The following TMEM71 variants were observed in gnomAD, a reference collection of about 807,000 sequenced individuals.
TMEM71 encodes transmembrane protein 71.
In TMEM71, 44 loss-of-function variants were observed where a neutral mutation model predicts 38.0. That is an observed-to-expected ratio of 1.16 (90% confidence interval 0.91 to 1.49). The LOEUF is 1.49. Ranked by LOEUF, TMEM71 falls within the 40% of genes most tolerant of loss-of-function variation. TMEM71 has a pLI of 0.00. For missense variants in TMEM71, 367 were observed against 348.6 expected, an observed-to-expected ratio of 1.05 and a Z score of -0.42; for synonymous variants, 133 against 122.5, an observed-to-expected ratio of 1.09 and a Z score of -0.56.
chr8:132,749,823 G>T (rs1828595722), intron 4 of TMEM71, among the ~76,000 whole-genome samples: 1 of 152,010 alleles, frequency 6.6e-6, no homozygotes, highest in Non-Finnish European at 1.5e-5. Context: ...AGACCATCCT[G>T]GCCAACATGG....
chr8:132,717,686 C>T (rs908170778), intron 7 of TMEM71, among the ~76,000 whole-genome samples: 1 of 152,152 alleles, frequency 6.6e-6, no homozygotes, highest in Non-Finnish European at 1.5e-5. Context: ...AACGTTTCAG[C>T]AGTTTCTAAA....
chr8:132,724,122 GA>G (rs1189166611), intron 6 of TMEM71, among the ~76,000 whole-genome samples: 1 of 152,202 alleles, frequency 6.6e-6, no homozygotes, highest in Admixed American at 6.5e-5. Flanking sequence ...AGGAAACAGG[GA>G]CAGGGCAAAA....
At chr8:132,760,281 T>C (rs1346263394) in intron 1 of TMEM71, 195 bp downstream of exon 1, 1 of 152,120 alleles carries the variant, frequency 6.6e-6, no homozygotes, top group African/African-American at 2.4e-5. Context: ...TGAAAAATAA[T>C]GTGTGCATAC....
At chr8:132,756,411 T>TTATATATATATATATATATA (rs55767264) in intron 3 of TMEM71, among the ~76,000 whole-genome samples, 12 of 115,814 alleles carry the variant, frequency 1.0e-4, no homozygotes, top group African/African-American at 2.9e-4. Context: ...AACATATATA[T>TTATATATATATATATATATA]TATATATATA....
At chr8:132,755,304 A>G (rs553653652) in intron 3 of TMEM71, among the ~76,000 whole-genome samples, 57 of 152,312 alleles carry the variant, frequency 3.7e-4, no homozygotes, top group Middle Eastern at 3.4e-3. Context: ...TAGTTTAAAA[A>G]AAGGACCCCT....
chr8:132,724,436 G>A lies in TMEM71; in HGVS notation c.677-2321C>T, dbSNP rs537989752. 8.5e-5 allele frequency among the ~76,000 whole-genome samples: 13 copies of A among 152,248 alleles called. No individual in the cohort carries two copies. The South Asian group carries it at 2.1e-3, about 24-fold the overall frequency. On this transcript the variant is annotated intron_variant, in intron 6 of 9. Transcript: ENST00000677595. ...CTTGCTAGGAAAAGAATTTAGCGAT[G>A]TCTCTCCTACTTGCACATCCATTTA... is the stretch of plus-strand genomic sequence containing the variant.
intron 5 of TMEM71, among the ~76,000 whole-genome samples, chr8:132,746,488 C>CATAT (rs58252714): frequency 5.5e-5 from 3 of 54,302 alleles, no homozygotes; most frequent in Non-Finnish European, 1.1e-4. Flanking sequence ...TATATATATA[C>CATAT]ATATATATAC....
Position 132,757,236 on chromosome 8 carries a change from T to C in TMEM71, c.99A>G (p.Pro33=). Residue 33 remains proline (P), a splice_region_variant and synonymous_variant, in exon 3 of 10, where the codon CCA becomes CCG. Transcript: ENST00000677595. ...TTAAAAGAAGCCCCATAGTATACCT[T>C]GGGAAAATGCACGTGGGAGACAGCT... ...AGELSPTCIF[P]SFTCDSLDGY... 2 of 1,609,140 alleles carry C rather than the reference T, an allele frequency of 1.2e-6. No homozygotes were observed. Among genetic ancestry groups the C allele is most frequent in the Non-Finnish European group, 1.7e-6 (2 of 1,176,432 alleles).
intron 7 of TMEM71, among the ~76,000 whole-genome samples, chr8:132,720,051 A>AT (rs1055450623): frequency 6.6e-6 from 1 of 150,828 alleles, no homozygotes; most frequent in African/African-American, 2.4e-5. Flanking sequence ...TTTTTCTGCT[A>AT]TTTTTCTTTT....
intron 6 of TMEM71, 139 bp from the exon 7 acceptor site, chr8:132,722,254 T>C: frequency 3.1e-6 from 2 of 651,166 alleles, no homozygotes; most frequent in Non-Finnish European, 5.4e-6. Context: ...TCAAGCAATG[T>C]GTCATAAATA....
At chr8:132,759,517 T>G (rs1349779362) in intron 1 of TMEM71, 1 of 152,230 alleles carries the variant, frequency 6.6e-6, no homozygotes, top group African/African-American at 2.4e-5. Context: ...TTAGTTCCCA[T>G]GAAGACATGA....
chr8:132,753,105 G>A (rs2739026), intron 3 of TMEM71, among the ~76,000 whole-genome samples: 57,235 of 151,494 alleles, frequency 0.38, 11,543 homozygotes, highest in South Asian at 0.5. Context: ...CTAAACCCCA[G>A]CTAATCTCAC....
chr8:132,715,283 G>A lies in TMEM71; in HGVS notation c.753-1068C>T, dbSNP rs559810345. 7.9e-5 allele frequency among the ~76,000 whole-genome samples: 12 copies of A among 151,326 alleles called. No homozygotes were observed. In the East Asian group the frequency reaches 2.1e-3, roughly 27 times the overall value. ...AAAATAGCCGGGCGTGGTGGCGGGC[G>A]CCTGTAGTCCCAGCTACTTGGAAGG... is the stretch of plus-strand genomic sequence containing the variant. On this transcript the variant is annotated intron_variant, in intron 7 of 9. Coordinates refer to ENST00000677595, the MANE Select transcript of TMEM71 (RefSeq NM_001382403.1).
At chr8:132,758,437 G>A (rs1323944282) in intron 2 of TMEM71, 1 of 174,756 alleles carries the variant, frequency 5.7e-6, no homozygotes, top group Non-Finnish European at 1.2e-5. Context: ...GTGGGGTTTT[G>A]GGAGAAAATA....
rs554144709 is a variant in TMEM71 at position 132,737,208 on chromosome 8, A to T, written c.488-9222T>A. On this transcript the variant is annotated intron_variant, in intron 5 of 9. Transcript: ENST00000677595. ...GCATGGCCTCCCTGTGACTATACTA[A>T]AAAATCGCTGAATTGTATACGTTAA... Among the ~76,000 whole-genome samples the T allele has an allele frequency of 5.1e-4, 78 of 152,312 alleles. 1 individual carries two copies. The highest frequency in any genetic ancestry group is 1.8e-3 in the African/African-American group (73 of 41,560).
At chr8:132,765,815 G>A in the TMEM71 span, among the ~76,000 whole-genome samples, 1 of 151,706 alleles carries the variant, frequency 6.6e-6, no homozygotes, top group South Asian at 2.1e-4. Flanking sequence ...TTGAGACAGA[G>A]TCTCACTCTG....
chr8:132,711,288 C>G (rs1414751842), intron 9 of TMEM71, among the ~76,000 whole-genome samples: 1 of 152,132 alleles, frequency 6.6e-6, no homozygotes, highest in Non-Finnish European at 1.5e-5. Flanking sequence ...TTCCCACCTG[C>G]CCTTATGGCA....
intron 4 of TMEM71, among the ~76,000 whole-genome samples, chr8:132,750,019 A>AAAAC (rs1828611361): frequency 6.6e-6 from 1 of 151,662 alleles, no homozygotes; most frequent in Admixed American, 6.6e-5. Context: ...TCTCAAAAAA[A>AAAAC]AAAAAAGAAA....
downstream of TMEM71, among the ~76,000 whole-genome samples, chr8:132,707,190 C>T (rs16904722): frequency 0.14 from 21,541 of 152,002 alleles, 1,730 homozygotes; most frequent in East Asian, 0.31. Flanking sequence ...CCAGGCAGAG[C>T]TATACTATAG....
Sources: allele counts gnomAD v4.1 joint callset (sites outside exome capture counted in the v4.1 genomes callset), GRCh38; gene constraint gnomAD v4.1.1; transcripts MANE v1.5; gene names NCBI Gene and HGNC (gene_info 2026-07-23, HGNC 2026-07-21).